Variants in ARHGAP44 observed in about 807,000 individuals in gnomAD.
ARHGAP44 encodes rho GTPase-activating protein 44.
Under a neutral mutation model 106.8 loss-of-function variants are expected in ARHGAP44, and 43 were observed. The ratio of observed to expected loss-of-function variants is 0.40; its 90% CI spans 0.32 to 0.52. The LOEUF is 0.52. Ranked by LOEUF, ARHGAP44 falls within the 20% of genes least tolerant of loss-of-function variation. ARHGAP44 has a pLI of 0.48. For synonymous variants in ARHGAP44, 439 were observed against 410.3 expected (o/e 1.07, Z -0.85); for missense variants, 866 against 1,050.5 (o/e 0.82, Z 2.43).
At chr17:12,988,062 G>C (rs1326955377) in intron 20 of ARHGAP44, 1 of 152,180 alleles carries the variant, frequency 6.6e-6, no homozygotes, top group Non-Finnish European at 1.5e-5. Context: ...CTCCTGGCGG[G>C]TGCTTCCCGA....
At chr17:12,808,358 A>G (rs1292026392) in intron 1 of ARHGAP44, among the ~76,000 whole-genome samples, 6 of 152,156 alleles carry the variant, frequency 3.9e-5, no homozygotes, top group Non-Finnish European at 8.8e-5. Context: ...TCCCTTCCAT[A>G]CTGCCCTAGC....
chr17:12,887,067 T>C (rs1228939824), intron 1 of ARHGAP44, among the ~76,000 whole-genome samples: 1 of 152,032 alleles, frequency 6.6e-6, no homozygotes, highest in Non-Finnish European at 1.5e-5. Flanking sequence ...TTCCTTACTC[T>C]TTTAATACAG....
intron 1 of ARHGAP44, among the ~76,000 whole-genome samples, chr17:12,882,626 T>C (rs978882170): frequency 6.6e-6 from 1 of 152,168 alleles, no homozygotes; most frequent in African/African-American, 2.4e-5. Flanking sequence ...TTAGGGATTT[T>C]CCCTGTTATA....
chr17:12,867,766 C>A (rs73978261), intron 1 of ARHGAP44, among the ~76,000 whole-genome samples: 7,770 of 152,268 alleles, frequency 0.051, 679 homozygotes, highest in African/African-American at 0.18. Flanking sequence ...TTAGAACCCT[C>A]TTGGGACACT....
chr17:12,792,118 T>C (rs1449857870), intron 1 of ARHGAP44, among the ~76,000 whole-genome samples: 4 of 152,198 alleles, frequency 2.6e-5, no homozygotes, highest in Non-Finnish European at 5.9e-5. Flanking sequence ...CCAAACACAC[T>C]GAGCTCATAT....
At chr17:12,799,243 G>A (rs538633538) in intron 1 of ARHGAP44, among the ~76,000 whole-genome samples, 1 of 152,220 alleles carries the variant, frequency 6.6e-6, no homozygotes, top group African/African-American at 2.4e-5. Context: ...CTTCCATGTT[G>A]TGTTAGGATA....
intron 1 of ARHGAP44, among the ~76,000 whole-genome samples, chr17:12,836,421 G>C (rs904581382): frequency 6.6e-6 from 1 of 152,080 alleles, no homozygotes; most frequent in African/African-American, 2.4e-5. Context: ...GCTGAGGCGG[G>C]CGGATCACCT....
chr17:12,973,163 A>G (rs924861927), intron 16 of ARHGAP44, 139 bp from the exon 17 acceptor site: 9 of 825,928 alleles, frequency 1.1e-5, no homozygotes, highest in Admixed American at 2.8e-5. Flanking sequence ...CTAAATTGTA[A>G]TAATTTTATA....
intron 7 of ARHGAP44, among the ~76,000 whole-genome samples, chr17:12,936,682 G>A (rs533565232): frequency 8.5e-5 from 13 of 152,300 alleles, no homozygotes; most frequent in South Asian, 2.1e-4. Context: ...TGTGACATAC[G>A]TTTTCCATTC....
At chr17:12,875,773 G>A (rs904554550) in intron 1 of ARHGAP44, among the ~76,000 whole-genome samples, 79 of 151,972 alleles carry the variant, frequency 5.2e-4, no homozygotes, top group Non-Finnish European at 7.4e-5. Context: ...GTGAAACCCC[G>A]TCTCTACTAA....
chr17:12,868,545 A>C (rs1439992972), intron 1 of ARHGAP44, among the ~76,000 whole-genome samples: 1 of 146,816 alleles, frequency 6.8e-6, no homozygotes, highest in African/African-American at 2.5e-5. Flanking sequence ...ATAAACTGAG[A>C]GGCTAAAAAG....
intron 1 of ARHGAP44, among the ~76,000 whole-genome samples, chr17:12,891,092 T>A (rs571514064): frequency 1.4e-4 from 22 of 152,316 alleles, no homozygotes; most frequent in African/African-American, 4.6e-4. Flanking sequence ...AAGTAACCTC[T>A]AAGAAGTTTT....
At chr17:12,926,971 A>G (rs909433222) in intron 6 of ARHGAP44, among the ~76,000 whole-genome samples, 6 of 152,200 alleles carry the variant, frequency 3.9e-5, no homozygotes, top group Non-Finnish European at 7.3e-5. Context: ...CAACACTTTA[A>G]TACTTTATTT....
chr17:12,818,364 A>G (rs1415649447), intron 1 of ARHGAP44, among the ~76,000 whole-genome samples: 1 of 150,362 alleles, frequency 6.7e-6, no homozygotes, highest in African/African-American at 2.5e-5. Flanking sequence ...CAACCCTACA[A>G]CTCACATCAT....
chr17:12,978,667 CT>C (rs1001520189), intron 18 of ARHGAP44, among the ~76,000 whole-genome samples: 1,775 of 146,468 alleles, frequency 0.012, 33 homozygotes, highest in African/African-American at 0.037. Flanking sequence ...CTGTGCCTGC[CT>C]TTTTTTTTTC....
rs151083602 is a variant in ARHGAP44, at chr17:12,795,162, G to A, written c.53+5271G>A. On this transcript the variant is annotated intron_variant, in intron 1 of 20. Coordinates refer to ENST00000379672, the MANE Select transcript of ARHGAP44 (RefSeq NM_014859.6). ...GACCCAAACTCGTCCCCCAAAGAGC[G>A]CTGTGCACATTGAATGGGTCTCAGA... 6.2e-3 allele frequency among the ~76,000 whole-genome samples: 951 copies of A among 152,308 alleles called. 13 individuals are homozygous for A. The highest frequency in any genetic ancestry group is 0.022 in the African/African-American group (906 of 41,572).
chr17:12,868,310 G>A (rs1022998455), intron 1 of ARHGAP44, among the ~76,000 whole-genome samples: 1 of 152,052 alleles, frequency 6.6e-6, no homozygotes, highest in Non-Finnish European at 1.5e-5. Context: ...CCTAATGACT[G>A]CATTTTACCG....
rs1332242044 is a variant in ARHGAP44 at position 12,933,934 on chromosome 17, C to T, written c.582+4888C>T. On this transcript the variant is annotated intron_variant, in intron 7 of 20. Coordinates refer to ENST00000379672, the MANE Select transcript of ARHGAP44 (RefSeq NM_014859.6). ...CACGATCTCGGCTCACTGCAAGCTC[C>T]GCCTCCCGGGTTCATGCCATTCTCC... Among the ~76,000 whole-genome samples the T allele has an allele frequency of 2.0e-5, 3 of 151,784 alleles. No homozygotes were observed. The East Asian group carries it at 5.8e-4, about 30-fold the overall frequency.
chr17:12,953,874 T>G (rs755021053), intron 13 of ARHGAP44, among the ~76,000 whole-genome samples: 1 of 151,746 alleles, frequency 6.6e-6, no homozygotes, highest in Non-Finnish European at 1.5e-5. Flanking sequence ...AGACAGGAGA[T>G]TATTGTTTTT....
Sources: allele counts gnomAD v4.1 joint callset (sites outside exome capture counted in the v4.1 genomes callset), GRCh38; gene constraint gnomAD v4.1.1; transcripts MANE v1.5; gene names NCBI Gene and HGNC (gene_info 2026-07-23, HGNC 2026-07-21).